Variants in CHN2 observed in about 807,000 individuals in gnomAD.
CHN2 encodes chimerin 2, also known as beta-chimaerin.
CHN2 carries 35 observed loss-of-function variants against 56.3 expected under a neutral mutation model. That is an observed-to-expected ratio of 0.62 (90% confidence interval 0.47 to 0.82). The LOEUF is 0.82. Among genes scored for constraint, CHN2 ranks in the 40% least tolerant of loss-of-function variants. CHN2 has a pLI of 0.00. For missense variants in CHN2, 491 were observed against 580.5 expected (o/e 0.85, Z 1.58); for synonymous variants, 210 against 212.8 (o/e 0.99, Z 0.12).
intron 2 of CHN2, among the ~76,000 whole-genome samples, chr7:29,359,724 T>C (rs1798581650): frequency 6.6e-6 from 1 of 152,250 alleles, no homozygotes; most frequent in Non-Finnish European, 1.5e-5. Flanking sequence ...AAAGAAGAGC[T>C]ACTTTCAAGT....
chr7:29,355,771 T>TG (rs1232886779), intron 2 of CHN2, among the ~76,000 whole-genome samples: 1 of 112,388 alleles, frequency 8.9e-6, no homozygotes, highest in Non-Finnish European at 1.8e-5. Context: ...CAGATGGGAC[T>TG]ATTTTTTTTT....
chr7:29,497,026 A>G (rs1789373482), intron 8 of CHN2, among the ~76,000 whole-genome samples: 1 of 152,144 alleles, frequency 6.6e-6, no homozygotes, highest in Non-Finnish European at 1.5e-5. Context: ...CATCCCGTAA[A>G]CCCTAAGTCC....
chr7:29,188,487 T>G (rs1300607327), intron 2 of CHN2, among the ~76,000 whole-genome samples: 6 of 152,240 alleles, frequency 3.9e-5, no homozygotes, highest in Non-Finnish European at 5.9e-5. Flanking sequence ...TCAGATATTG[T>G]GTCTGTTAGC....
chr7:29,439,571 C>G (rs1213007013), intron 6 of CHN2, among the ~76,000 whole-genome samples: 1 of 152,174 alleles, frequency 6.6e-6, no homozygotes, highest in Non-Finnish European at 1.5e-5. Flanking sequence ...AGGCCCTCTT[C>G]ATCCACATCC....
chr7:29,291,998 T>C (rs1347579937), intron 1 of CHN2, among the ~76,000 whole-genome samples: 1 of 152,222 alleles, frequency 6.6e-6, no homozygotes, highest in Non-Finnish European at 1.5e-5. Context: ...ATTTTGGCTG[T>C]TGCAAGCCCT....
At chr7:29,161,451 C>T (rs751527282) in intron 2 of CHN2, among the ~76,000 whole-genome samples, 13 of 152,128 alleles carry the variant, frequency 8.5e-5, no homozygotes, top group Non-Finnish European at 1.9e-4. Flanking sequence ...CCAGCTGGAC[C>T]CCCTCTACTT....
chr7:29,350,149 T>C (rs1427299611), intron 1 of CHN2, among the ~76,000 whole-genome samples: 1 of 152,252 alleles, frequency 6.6e-6, no homozygotes, highest in Non-Finnish European at 1.5e-5. Context: ...GGATGAATGA[T>C]GTGTCAGAGG....
chr7:29,463,492 A>C (rs962023808), intron 6 of CHN2, among the ~76,000 whole-genome samples: 13 of 152,186 alleles, frequency 8.5e-5, no homozygotes, highest in African/African-American at 3.1e-4. Context: ...ACCAGAGCGC[A>C]ACAGTTTTCT....
chr7:29,459,133 A>G (rs1404545972), intron 6 of CHN2, among the ~76,000 whole-genome samples: 1 of 152,260 alleles, frequency 6.6e-6, no homozygotes, highest in Non-Finnish European at 1.5e-5. Context: ...ACACCTCGCC[A>G]GGAACGCGGT....
chr7:29,473,482 TTGTGTG>T (rs1554299030), intron 6 of CHN2, among the ~76,000 whole-genome samples: 2 of 118,190 alleles, frequency 1.7e-5, no homozygotes, highest in Non-Finnish European at 3.5e-5. Context: ...TTTTTTTTTT[TTGTGTG>T]TGTGTGTGTG....
At position 29,265,823 on chromosome 7, in the gene CHN2, C is replaced by T. The variant is rs189051738; in HGVS notation, c.49+70833C>T. 4.6e-3 allele frequency among the ~76,000 whole-genome samples: 706 copies of T among 152,048 alleles called. 5 individuals are homozygous for T. Among genetic ancestry groups the T allele is most frequent in the African/African-American group, 0.017 (687 of 41,446 alleles). On this transcript the variant is annotated intron_variant, in intron 1 of 12. Transcript: ENST00000222792. ...AGCATCCTCTGTCTTGATGGATGAG[C>T]GTAACAACAAGGAAAAGGCCCATGA...
chr7:29,280,738 G>A (rs140183158), intron 1 of CHN2, among the ~76,000 whole-genome samples: 1,556 of 152,260 alleles, frequency 0.01, 18 homozygotes, highest in Middle Eastern at 0.034. Context: ...TGTGCAAGTC[G>A]CCTACCTTCC....
At chr7:29,396,723 C>T (rs1261183451) in intron 4 of CHN2, 1 of 150,456 alleles carries the variant, frequency 6.6e-6, no homozygotes, top group Non-Finnish European at 1.5e-5. Flanking sequence ...ACACCCACCC[C>T]CACACTCACT....
intron 1 of CHN2, among the ~76,000 whole-genome samples, chr7:29,272,265 G>A (rs1443686524): frequency 1.3e-5 from 2 of 152,182 alleles, no homozygotes; most frequent in African/African-American, 4.8e-5. Flanking sequence ...CCTGCAGTCA[G>A]CCTACAGAAG....
intron 5 of CHN2, chr7:29,400,232 G>A: frequency 2.6e-6 from 1 of 389,654 alleles, no homozygotes. Context: ...TGACCTTAGT[G>A]ATTTCTAGGA....
chr7:29,374,847 T>TCCTTCCTG (rs961509280), intron 3 of CHN2, among the ~76,000 whole-genome samples: 2 of 145,540 alleles, frequency 1.4e-5, no homozygotes, highest in South Asian at 2.3e-4. Context: ...CTTCCTTCCT[T>TCCTTCCTG]CCTGCCTCCC....
At chr7:29,369,196 A>T (rs76181191) in intron 3 of CHN2, among the ~76,000 whole-genome samples, 4,507 of 152,188 alleles carry the variant, frequency 0.03, 238 homozygotes, top group African/African-American at 0.1. Flanking sequence ...AATTTCCTTC[A>T]CTCCTGCTTT....
At chr7:29,473,476 T>TGTGTGTG in intron 6 of CHN2, among the ~76,000 whole-genome samples, 3 of 111,728 alleles carry the variant, frequency 2.7e-5, no homozygotes, top group African/African-American at 1.0e-4. Context: ...TTGTGTTTTT[T>TGTGTGTG]TTTTTTTGTG....
intron 1 of CHN2, among the ~76,000 whole-genome samples, chr7:29,324,798 G>A (rs563135257): frequency 2.6e-5 from 4 of 152,256 alleles, no homozygotes; most frequent in Admixed American, 2.0e-4. Flanking sequence ...TTTATTTCTT[G>A]TAAATATAGG....
Sources: allele counts gnomAD v4.1 joint callset (sites outside exome capture counted in the v4.1 genomes callset), GRCh38; gene constraint gnomAD v4.1.1; transcripts MANE v1.5; gene names NCBI Gene and HGNC (gene_info 2026-07-23, HGNC 2026-07-21).